SLC4A4: variants seen among roughly 807,000 people sequenced by gnomAD.
SLC4A4 encodes the protein solute carrier family 4 member 4, also known as electrogenic sodium bicarbonate cotransporter 1.
A neutral mutation model predicts 111.5 loss-of-function variants in SLC4A4; 27 were observed. The ratio of observed to expected loss-of-function variants is 0.24; its 90% CI spans 0.18 to 0.33. The LOEUF (loss-of-function observed/expected upper bound fraction) is 0.33. SLC4A4 is among the 10% of genes least tolerant of loss of function. The pLI is 1.00. For missense variants in SLC4A4, 909 were observed against 1,315.5 expected (o/e 0.69, Z 4.78); for synonymous variants, 443 against 463.4 (o/e 0.96, Z 0.57).
rs887990399 is a variant in SLC4A4 at position 71,511,255 on chromosome 4, T to C, written c.2166+13563T>C. Among the ~76,000 whole-genome samples, 3 of 152,134 alleles carry C rather than the reference T, an allele frequency of 2.0e-5. No individual in the cohort carries two copies. The East Asian group carries it at 5.8e-4, about 29-fold the overall frequency. On this transcript the variant is annotated intron_variant, in intron 16 of 25. Coordinates refer to ENST00000264485, the MANE Select transcript of SLC4A4 (RefSeq NM_001098484.3). ...TCAGTTACTAATTAGAATCCTCTTCTTTTACCCTGAAGAATTCTCTTTAGC... is the reference window on the plus strand; with the variant it reads ...TCAGTTACTAATTAGAATCCTCTTCCTTTACCCTGAAGAATTCTCTTTAGC...
intron 1 of SLC4A4, among the ~76,000 whole-genome samples, chr4:71,189,607 AC>A (rs1159383031): frequency 1.3e-5 from 2 of 152,192 alleles, no homozygotes; most frequent in Non-Finnish European, 2.9e-5. Flanking sequence ...GCCATAGCTT[AC>A]ATCTTAAAGG....
At chr4:71,419,357 G>A (rs1374746154) in intron 7 of SLC4A4, among the ~76,000 whole-genome samples, 8 of 152,348 alleles carry the variant, frequency 5.3e-5, no homozygotes, top group South Asian at 4.1e-4. Flanking sequence ...CCCAGTTGGA[G>A]CTTCCCTGCT....
intron 1 of SLC4A4, among the ~76,000 whole-genome samples, chr4:71,229,807 G>T (rs1254237063): frequency 2.7e-5 from 4 of 148,958 alleles, no homozygotes; most frequent in African/African-American, 1.0e-4. Context: ...TAGAGCCCCT[G>T]CGAAGTTTTT....
intron 1 of SLC4A4, among the ~76,000 whole-genome samples, chr4:71,198,232 G>A (rs573131894): frequency 3.2e-4 from 48 of 152,230 alleles, no homozygotes; most frequent in African/African-American, 1.1e-3. Flanking sequence ...ATATTGAGAC[G>A]TTTTAGAACA....
chr4:71,282,879 AT>A (rs1457265686), intron 3 of SLC4A4, among the ~76,000 whole-genome samples: 1 of 152,062 alleles, frequency 6.6e-6, no homozygotes, highest in African/African-American at 2.4e-5. Flanking sequence ...GCTTGCTCAG[AT>A]TTTTTAATTA....
intron 6 of SLC4A4, among the ~76,000 whole-genome samples, chr4:71,362,123 C>T (rs1361872514): frequency 1.3e-5 from 2 of 152,114 alleles, no homozygotes; most frequent in Non-Finnish European, 1.5e-5. Flanking sequence ...AAGCCATCAT[C>T]GACCTGTCCC....
intron 16 of SLC4A4, among the ~76,000 whole-genome samples, chr4:71,497,979 A>G (rs1430772870): frequency 2.0e-5 from 3 of 152,188 alleles, no homozygotes; most frequent in African/African-American, 4.8e-5. Context: ...TTAAAAATGC[A>G]TGAGTGAAGA....
chr4:71,111,272 A>G (rs1461099817), intron 2 of SLC4A4, among the ~76,000 whole-genome samples: 1 of 152,148 alleles, frequency 6.6e-6, no homozygotes, highest in African/African-American at 2.4e-5. Context: ...GCCTACAAAT[A>G]TTTCCTGCTT....
chr4:71,538,603 A>G (rs115091198), intron 18 of SLC4A4, among the ~76,000 whole-genome samples: 1,953 of 152,274 alleles, frequency 0.013, 46 homozygotes, highest in African/African-American at 0.044. Context: ...CTTAACTGCT[A>G]TGAAATTGTT....
At chr4:71,217,027 T>C (rs906718036) in intron 1 of SLC4A4, among the ~76,000 whole-genome samples, 18 of 152,202 alleles carry the variant, frequency 1.2e-4, no homozygotes, top group Non-Finnish European at 1.5e-5. Context: ...ACATTCACTT[T>C]ATAAAAATTC....
intron 16 of SLC4A4, among the ~76,000 whole-genome samples, chr4:71,529,353 A>G (rs1252004502): frequency 6.6e-6 from 1 of 152,156 alleles, no homozygotes; most frequent in African/African-American, 2.4e-5. Flanking sequence ...TTCTTTCAAC[A>G]GTATTATACC....
intron 16 of SLC4A4, among the ~76,000 whole-genome samples, chr4:71,525,087 G>A (rs1170419348): frequency 6.6e-6 from 1 of 152,034 alleles, no homozygotes; most frequent in Non-Finnish European, 1.5e-5. Context: ...CTCTATGATT[G>A]TGACTCTCTC....
chr4:71,511,846 A>G (rs1731951454), intron 16 of SLC4A4, among the ~76,000 whole-genome samples: 1 of 152,160 alleles, frequency 6.6e-6, no homozygotes, highest in Non-Finnish European at 1.5e-5. Context: ...TAGCTTCCAC[A>G]TATGAGTGAT....
chr4:71,555,032 T>C, intron 20 of SLC4A4, 108 bp from the exon 21 acceptor site: 1 of 804,888 alleles, frequency 1.2e-6, no homozygotes, highest in Non-Finnish European at 2.2e-6. Flanking sequence ...ACTAAGTTAT[T>C]ATATCCTATA....
At chr4:71,254,662 A>AG (rs1721309708) in intron 2 of SLC4A4, among the ~76,000 whole-genome samples, 1 of 152,080 alleles carries the variant, frequency 6.6e-6, no homozygotes, top group African/African-American at 2.4e-5. Context: ...AAAAAAAAAA[A>AG]AAAGTTTTAA....
intron 1 of SLC4A4, among the ~76,000 whole-genome samples, chr4:71,214,507 G>A (rs1401210604): frequency 4.6e-5 from 7 of 151,992 alleles, no homozygotes; most frequent in Non-Finnish European, 7.4e-5. Context: ...ATGTGGTCCC[G>A]CCACCACTCG....
At position 71,536,152 on chromosome 4, in the gene SLC4A4, G is replaced by C. The variant is rs139131785; in HGVS notation, c.2442+1764G>C. 2.0e-3 allele frequency among the ~76,000 whole-genome samples: 309 copies of C among 151,980 alleles called. 3 individuals are homozygous for C. The highest frequency in any genetic ancestry group is 7.1e-3 in the African/African-American group (296 of 41,466). ...TGGCAGCTGACTTAAGAATTAAGAA[G>C]TGGAAGATGCTAGGCCATTAAATGG... On this transcript the variant is annotated intron_variant, in intron 18 of 25. Transcript: ENST00000264485.
intron 2 of SLC4A4, among the ~76,000 whole-genome samples, chr4:71,176,126 G>A (rs1408031544): frequency 2.0e-5 from 3 of 152,194 alleles, no homozygotes; most frequent in Non-Finnish European, 1.5e-5. Context: ...GGTCCTGACT[G>A]TTAGAAGGAA....
intron 2 of SLC4A4, among the ~76,000 whole-genome samples, chr4:71,171,921 A>G (rs542749699): frequency 2.6e-5 from 4 of 152,358 alleles, no homozygotes; most frequent in African/African-American, 9.6e-5. Flanking sequence ...CAGTAATGAA[A>G]TTTGAGGGCT....
Sources: allele counts gnomAD v4.1 joint callset (sites outside exome capture counted in the v4.1 genomes callset), GRCh38; gene constraint gnomAD v4.1.1; transcripts MANE v1.5; gene names NCBI Gene and HGNC (gene_info 2026-07-23, HGNC 2026-07-21).